Variants in CSRNP3 observed in about 807,000 individuals in gnomAD.
CSRNP3 encodes cysteine and serine rich nuclear protein 3, also known as cysteine/serine-rich nuclear protein 3.
In CSRNP3, 12 loss-of-function variants were observed where a neutral mutation model predicts 48.0. The ratio of observed to expected loss-of-function variants is 0.25; its 90% CI spans 0.16 to 0.41. The LOEUF (loss-of-function observed/expected upper bound fraction) is 0.41, where lower values mean the gene tolerates loss of function less well. Among genes scored for constraint, CSRNP3 ranks in the 10% least tolerant of loss-of-function variants. CSRNP3 has a pLI of 1.00. For missense variants in CSRNP3, 580 were observed against 724.4 expected, an observed-to-expected ratio of 0.80 and a Z score of 2.29; for synonymous variants, 263 against 269.7, an observed-to-expected ratio of 0.98 and a Z score of 0.24.
chr2:165,600,808 C>T (rs1685902305), intron 4 of CSRNP3, among the ~76,000 whole-genome samples: 1 of 152,124 alleles, frequency 6.6e-6, no homozygotes, highest in South Asian at 2.1e-4. Context: ...GCTAATCTTT[C>T]AAATTTAAAA....
At chr2:165,669,951 CAG>C in intron 5 of CSRNP3, among the ~76,000 whole-genome samples, 1 of 152,120 alleles carries the variant, frequency 6.6e-6, no homozygotes. Flanking sequence ...TAAATTAAGT[CAG>C]TATTCATCAC....
At chr2:165,477,531 T>C (rs1667564653) in intron 1 of CSRNP3, among the ~76,000 whole-genome samples, 1 of 142,274 alleles carries the variant, frequency 7.0e-6, no homozygotes, top group South Asian at 2.2e-4. Context: ...TAGCCAGGTG[T>C]GGTCGTGGGT....
intron 3 of CSRNP3, among the ~76,000 whole-genome samples, chr2:165,587,912 C>T (rs1052923102): frequency 9.9e-5 from 15 of 152,124 alleles, no homozygotes; most frequent in East Asian, 5.8e-4. Flanking sequence ...CAGAAAAAAA[C>T]GGATATTAAA....
intron 3 of CSRNP3, among the ~76,000 whole-genome samples, chr2:165,557,408 GT>G (rs1298946181): frequency 2.0e-5 from 3 of 152,202 alleles, no homozygotes; most frequent in African/African-American, 7.2e-5. Context: ...TTGACTCCTG[GT>G]TTATAGTATC....
intron 1 of CSRNP3, among the ~76,000 whole-genome samples, chr2:165,479,075 C>T (rs1376141881): frequency 6.6e-6 from 1 of 152,130 alleles, no homozygotes; most frequent in Admixed American, 6.6e-5. Context: ...AAAGAGTGTT[C>T]ATAACCTACT....
intron 4 of CSRNP3, among the ~76,000 whole-genome samples, chr2:165,650,636 CA>C (rs1016043794): frequency 2.0e-4 from 31 of 152,256 alleles, no homozygotes; most frequent in African/African-American, 7.5e-4. Flanking sequence ...ATTTGTTCTT[CA>C]AAAGGTAAGA....
intron 2 of CSRNP3, among the ~76,000 whole-genome samples, chr2:165,502,011 G>A (rs1196665728): frequency 6.6e-6 from 1 of 152,032 alleles, no homozygotes; most frequent in Non-Finnish European, 1.5e-5. Context: ...ATTTAGAGCT[G>A]ACGTATTTAA....
chr2:165,535,202 AAC>A (rs879278341), intron 3 of CSRNP3, among the ~76,000 whole-genome samples: 33 of 151,898 alleles, frequency 2.2e-4, no homozygotes, highest in Non-Finnish European at 3.8e-4. Context: ...GAGGAAGAAA[AAC>A]ACTTAAATAT....
chr2:165,599,811 A>C (rs1685882064), intron 4 of CSRNP3, among the ~76,000 whole-genome samples: 3 of 151,898 alleles, frequency 2.0e-5, no homozygotes, highest in Non-Finnish European at 2.9e-5. Flanking sequence ...TATTATTGAT[A>C]AGTCCTATTT....
At chr2:165,578,421 T>C (rs2105280373) in intron 3 of CSRNP3, among the ~76,000 whole-genome samples, 1 of 152,192 alleles carries the variant, frequency 6.6e-6, no homozygotes, top group South Asian at 2.1e-4. Context: ...CTTTGAAATC[T>C]CACTAATATA....
intron 3 of CSRNP3, among the ~76,000 whole-genome samples, chr2:165,586,510 T>C (rs1685636937): frequency 6.6e-6 from 1 of 152,198 alleles, no homozygotes; most frequent in Admixed American, 6.5e-5. Context: ...ATTTTTTTAA[T>C]CTGAAATTTA....
At chr2:165,569,892 GA>G (rs975038403) in intron 3 of CSRNP3, among the ~76,000 whole-genome samples, 36 of 147,844 alleles carry the variant, frequency 2.4e-4, no homozygotes, top group South Asian at 2.1e-4. Flanking sequence ...GCATGTATTA[GA>G]AAAAAAAAAT....
At chr2:165,549,150 A>C (rs1685067434) in intron 3 of CSRNP3, among the ~76,000 whole-genome samples, 1 of 151,960 alleles carries the variant, frequency 6.6e-6, no homozygotes, top group Non-Finnish European at 1.5e-5. Context: ...TAAAGGAATA[A>C]TTTTGAGCTG....
At chr2:165,640,545 C>A (rs1558959074) in intron 4 of CSRNP3, among the ~76,000 whole-genome samples, 1 of 152,190 alleles carries the variant, frequency 6.6e-6, no homozygotes, top group Non-Finnish European at 1.5e-5. Flanking sequence ...TCTGGTACTG[C>A]AGAGGCTTAC....
At chr2:165,510,812 G>T (rs1684491080) in intron 2 of CSRNP3, among the ~76,000 whole-genome samples, 1 of 152,150 alleles carries the variant, frequency 6.6e-6, no homozygotes, top group Non-Finnish European at 1.5e-5. Context: ...TGAGTCTAAA[G>T]CTCAGAGAAG....
intron 5 of CSRNP3, among the ~76,000 whole-genome samples, chr2:165,667,189 T>C (rs1333916541): frequency 6.6e-6 from 1 of 152,066 alleles, no homozygotes; most frequent in Non-Finnish European, 1.5e-5. Flanking sequence ...TTTTCAGGAC[T>C]AGAGCACTGG....
At chr2:165,660,447 C>CTT (rs1225909701) in intron 5 of CSRNP3, among the ~76,000 whole-genome samples, 5 of 152,128 alleles carry the variant, frequency 3.3e-5, no homozygotes, top group African/African-American at 1.2e-4. Context: ...GAAAGACAGT[C>CTT]TTTGTACCTT....
intron 2 of CSRNP3, among the ~76,000 whole-genome samples, chr2:165,513,117 A>T (rs72876197): frequency 0.19 from 29,121 of 151,974 alleles, 2,999 homozygotes; most frequent in African/African-American, 0.23. Flanking sequence ...AAAGAAAAAA[A>T]AATAGGGTCA....
intron 4 of CSRNP3, among the ~76,000 whole-genome samples, chr2:165,628,382 A>G (rs1686474424): frequency 6.6e-6 from 1 of 152,112 alleles, no homozygotes; most frequent in South Asian, 2.1e-4. Context: ...TATCTGCAAC[A>G]TTTCTCCTCA....
Sources: gnomAD v4.1 joint callset for allele counts (sites outside exome capture counted in the v4.1 genomes callset) on GRCh38, gnomAD v4.1.1 for gene constraint, MANE v1.5 for transcripts, NCBI Gene and HGNC (gene_info 2026-07-23, HGNC 2026-07-21) for gene names.